CEP112: variants seen among roughly 807,000 people sequenced by gnomAD.
CEP112 encodes centrosomal protein 112, also known as centrosomal protein of 112 kDa.
A neutral mutation model predicts 153.0 loss-of-function variants in CEP112; 127 were observed. The observed-to-expected ratio is 0.83, with a 90% CI of 0.72 to 0.96. The LOEUF (loss-of-function observed/expected upper bound fraction) is 0.96. Among genes scored for constraint, CEP112 ranks in the 40% least tolerant of loss-of-function variants. The pLI is 0.00. For synonymous variants in CEP112, 358 were observed against 374.4 expected (o/e 0.96, Z 0.51); for missense variants, 1,089 against 1,101.2 (o/e 0.99, Z 0.16).
At chr17:65,693,563 G>A (rs1006138713) in intron 23 of CEP112, among the ~76,000 whole-genome samples, 5 of 152,012 alleles carry the variant, frequency 3.3e-5, no homozygotes, top group Admixed American at 3.3e-4. Flanking sequence ...CGTTGACAGG[G>A]AATTGGAAAA....
chr17:65,733,539 T>C (rs898955708), intron 23 of CEP112, among the ~76,000 whole-genome samples: 2 of 152,184 alleles, frequency 1.3e-5, no homozygotes, highest in African/African-American at 2.4e-5. Flanking sequence ...GGTGTGTCTG[T>C]ATATACAAGG....
At chr17:65,663,930 C>T (rs2046539528) in intron 24 of CEP112, among the ~76,000 whole-genome samples, 1 of 152,218 alleles carries the variant, frequency 6.6e-6, no homozygotes, top group Admixed American at 6.5e-5. Flanking sequence ...CCTGTAGTCC[C>T]AGCTACTCGG....
At chr17:65,684,606 G>A (rs1014734603) in intron 24 of CEP112, among the ~76,000 whole-genome samples, 5 of 152,030 alleles carry the variant, frequency 3.3e-5, no homozygotes, top group Non-Finnish European at 7.4e-5. Flanking sequence ...TGTGAATAAC[G>A]AAACATTGTT....
At position 65,883,263 on chromosome 17, in the gene CEP112, C is replaced by CATATATAT. The variant is rs34264279; in HGVS notation, c.2163+18881_2163+18888dup. On this transcript the variant is annotated intron_variant, in intron 20 of 26. Transcript: ENST00000535342. Reference sequence around the variant, plus strand: ...ATTGCAGCTCATGCTAAGAAGTTTACATATATATATATATATATGAAGTGT... The same window carrying CATATATAT: ...ATTGCAGCTCATGCTAAGAAGTTTACATATATATATATATATATATATATATGAAGTGT... Among the ~76,000 whole-genome samples the CATATATAT allele has an allele frequency of 2.3e-3, 335 of 146,866 alleles. 1 individual carries two copies. Among genetic ancestry groups the CATATATAT allele is most frequent in the African/African-American group, 7.3e-3 (290 of 39,962 alleles).
At chr17:65,892,771 CTTG>C (rs2059516860) in intron 20 of CEP112, among the ~76,000 whole-genome samples, 1 of 152,152 alleles carries the variant, frequency 6.6e-6, no homozygotes, top group Non-Finnish European at 1.5e-5. Flanking sequence ...CTCCACTTCT[CTTG>C]TTGTGCCTGT....
intron 8 of CEP112, among the ~76,000 whole-genome samples, chr17:66,091,959 G>A (rs529524470): frequency 5.2e-4 from 79 of 151,342 alleles, no homozygotes; most frequent in Non-Finnish European, 1.1e-3. Context: ...CACACAGAAC[G>A]TATGATGACT....
At chr17:65,926,811 G>C (rs1478153536) in intron 19 of CEP112, among the ~76,000 whole-genome samples, 1 of 152,158 alleles carries the variant, frequency 6.6e-6, no homozygotes, top group Non-Finnish European at 1.5e-5. Context: ...CTCCATGAGA[G>C]AGGAGGCATG....
Position 65,635,688 on chromosome 17 carries a change from TA to T in CEP112, c.*282del, listed in dbSNP as rs2044736246. Reference sequence around the variant, plus strand: ...GCAAAAGGATTAACAAGGCATATCATAGGAAATCACTTTGCCCAATATAAGC... The same window carrying T: ...GCAAAAGGATTAACAAGGCATATCATGGAAATCACTTTGCCCAATATAAGC... On this transcript the variant is annotated 3_prime_UTR_variant, in exon 27 of 27. Transcript: ENST00000535342. 1.5e-5 allele frequency: 7 copies of T among 459,620 alleles called. No individual in the cohort carries two copies. The highest frequency in any genetic ancestry group is 5.4e-4 in the Middle Eastern group (1 of 1,838). 28.5% of individuals were successfully genotyped at this position (459,620 alleles called of 1,614,324 possible). A position where few individuals can be genotyped will look rare whatever the true frequency, so the allele number is the denominator to read the frequency against.
intron 11 of CEP112, among the ~76,000 whole-genome samples, chr17:66,055,760 A>T (rs1337708244): frequency 6.6e-6 from 1 of 152,184 alleles, no homozygotes; most frequent in Non-Finnish European, 1.5e-5. Context: ...TCATCCAAGG[A>T]ATTTGTAGTT....
chr17:66,125,186 T>C (rs1364929497), intron 6 of CEP112, among the ~76,000 whole-genome samples: 2 of 152,252 alleles, frequency 1.3e-5, no homozygotes, highest in South Asian at 2.1e-4. Flanking sequence ...ATTTGTCTTA[T>C]CAAAGTATTA....
chr17:65,746,756 T>C (rs2051499135), intron 22 of CEP112, among the ~76,000 whole-genome samples: 1 of 152,086 alleles, frequency 6.6e-6, no homozygotes, highest in Admixed American at 6.5e-5. Flanking sequence ...ATAATAATGT[T>C]AAAAGTTTCT....
chr17:66,003,120 C>G (rs191818857), intron 17 of CEP112, among the ~76,000 whole-genome samples: 44 of 152,294 alleles, frequency 2.9e-4, no homozygotes, highest in African/African-American at 1.1e-3. Flanking sequence ...TACTACTATG[C>G]TGGGTACTGT....
rs1006490375 is a variant in CEP112 at position 66,142,861 on chromosome 17, AT to A, written c.471-10099del. On this transcript the variant is annotated intron_variant, in intron 4 of 26. Transcript: ENST00000535342. ...CTTTTGTGATTCCATGAATTTTCAT[AT>A]TTTTTTTATTGTTGTGAAAAAAGCC... 2.2e-4 allele frequency among the ~76,000 whole-genome samples: 34 copies of A among 151,912 alleles called. No homozygotes were observed. In the East Asian group the frequency reaches 4.4e-3, roughly 20 times the overall value.
chr17:65,661,242 C>A (rs7212414), intron 24 of CEP112, among the ~76,000 whole-genome samples: 1 of 151,992 alleles, frequency 6.6e-6, no homozygotes, highest in African/African-American at 2.4e-5. Context: ...CCTTCTCCAC[C>A]ACACCCTCCC....
intron 21 of CEP112, among the ~76,000 whole-genome samples, chr17:65,809,767 G>T (rs1330408516): frequency 6.6e-6 from 1 of 151,954 alleles, no homozygotes; most frequent in African/African-American, 2.4e-5. Context: ...TAGGACTAGA[G>T]ATACAAACTG....
chr17:65,901,983 CGGGG>C (rs1193965831), intron 20 of CEP112, among the ~76,000 whole-genome samples, 165 bp downstream of exon 20: 2 of 4,936 alleles, frequency 4.1e-4, no homozygotes, highest in African/African-American at 9.7e-4. Context: ...CATCCCAAAA[CGGGG>C]GGGGGGGGGG....
At chr17:65,759,869 T>C (rs571991668) in intron 21 of CEP112, among the ~76,000 whole-genome samples, 1 of 152,330 alleles carries the variant, frequency 6.6e-6, no homozygotes. Flanking sequence ...TTCACCCCGA[T>C]AAATCTGTTG....
chr17:65,986,465 ATGG>A (rs2063409971), intron 17 of CEP112, among the ~76,000 whole-genome samples: 1 of 152,130 alleles, frequency 6.6e-6, no homozygotes, highest in Non-Finnish European at 1.5e-5. Context: ...TTTTCCTTCC[ATGG>A]TGGTACGTTT....
rs188118878 is a variant in CEP112, at chr17:65,744,043, G to A, written c.2458-826C>T. Reference sequence around the variant, plus strand: ...ATCCCAAAGTGTTGGGATTACAGGCGTGAGCCACTGTGCCCGGCCTGCCTA... The same window carrying A: ...ATCCCAAAGTGTTGGGATTACAGGCATGAGCCACTGTGCCCGGCCTGCCTA... On this transcript the variant is annotated intron_variant, in intron 22 of 26. Coordinates refer to ENST00000535342, the MANE Select transcript of CEP112 (RefSeq NM_001199165.4). Among the ~76,000 whole-genome samples, 57 of 152,222 alleles carry A rather than the reference G, an allele frequency of 3.7e-4. No homozygotes were observed. In the East Asian group the frequency reaches 0.01, roughly 28 times the overall value.
Sources: allele counts gnomAD v4.1 joint callset (sites outside exome capture counted in the v4.1 genomes callset), GRCh38; gene constraint gnomAD v4.1.1; transcripts MANE v1.5; gene names NCBI Gene and HGNC (gene_info 2026-07-23, HGNC 2026-07-21).